The following NRXN1 variants were observed in gnomAD, a reference collection of about 807,000 sequenced individuals.
NRXN1 encodes neurexin-1.
NRXN1 carries 39 observed loss-of-function variants against 150.9 expected under a neutral mutation model. The ratio of observed to expected loss-of-function variants is 0.26; its 90% CI spans 0.20 to 0.34. The LOEUF (loss-of-function observed/expected upper bound fraction) is 0.34. Among genes scored for constraint, NRXN1 ranks in the 10% least tolerant of loss-of-function variants. The pLI, the probability that NRXN1 is intolerant of heterozygous loss-of-function variation, is 1.00. For missense variants in NRXN1, 1,815 were observed against 1,949.9 expected (o/e 0.93, Z 1.30); for synonymous variants, 924 against 757.0 (o/e 1.22, Z -3.62).
chr2:50,166,054 G>A, intron 18 of NRXN1, among the ~76,000 whole-genome samples: 1 of 152,076 alleles, frequency 6.6e-6, no homozygotes, highest in East Asian at 1.9e-4. Flanking sequence ...TACAGGCTGA[G>A]CAAGCCAAAT....
rs549634196 is a variant in NRXN1, at chr2:50,800,832, G to A, written c.832+121037C>T. 4.6e-5 allele frequency among the ~76,000 whole-genome samples: 7 copies of A among 152,288 alleles called. 1 individual carries two copies. The highest frequency in any genetic ancestry group is 1.9e-4 in the East Asian group (1 of 5,186). On this transcript the variant is annotated intron_variant, in intron 5 of 22. Coordinates refer to ENST00000401669, the MANE Select transcript of NRXN1 (RefSeq NM_001330078.2). ...CACAAAGTGCTGGGATTACAGGCGT[G>A]AGCCAGCATGCCTGGCCAATAATGG...
chr2:50,536,678 G>C (rs1174123899), intron 10 of NRXN1, among the ~76,000 whole-genome samples: 4 of 152,066 alleles, frequency 2.6e-5, no homozygotes, highest in Admixed American at 2.6e-4. Flanking sequence ...ACCTTAAATC[G>C]TGCAAGTCCG....
chr2:49,934,308 G>A (rs760905329), intron 22 of NRXN1, among the ~76,000 whole-genome samples: 24 of 151,830 alleles, frequency 1.6e-4, no homozygotes, highest in African/African-American at 5.6e-4. Context: ...AGTGTACTCC[G>A]GATGAAATCC....
chr2:50,345,782 T>C (rs2077908269), intron 17 of NRXN1, among the ~76,000 whole-genome samples: 1 of 152,200 alleles, frequency 6.6e-6, no homozygotes, highest in African/African-American at 2.4e-5. Flanking sequence ...CCCTTAGCTC[T>C]AACTTCTTCT....
chr2:50,998,784 CCCA>C (rs1558560802), intron 2 of NRXN1, among the ~76,000 whole-genome samples: 1 of 152,014 alleles, frequency 6.6e-6, no homozygotes, highest in African/African-American at 2.4e-5. Flanking sequence ...AACACATACA[CCCA>C]CCACAATAAT....
chr2:50,451,333 G>A (rs10190857), intron 17 of NRXN1, among the ~76,000 whole-genome samples: 40,841 of 152,018 alleles, frequency 0.27, 5,849 homozygotes, highest in East Asian at 0.5. Context: ...AAGTATAAAT[G>A]TTTTCCTGGT....
intron 17 of NRXN1, among the ~76,000 whole-genome samples, chr2:50,434,152 C>T (rs190980721): frequency 0.011 from 1,717 of 149,714 alleles, 30 homozygotes; most frequent in African/African-American, 0.041. Flanking sequence ...CTCCGCCTCC[C>T]GGGTTCGCGC....
intron 15 of NRXN1, among the ~76,000 whole-genome samples, chr2:50,479,639 T>C (rs1263092412): frequency 2.0e-5 from 3 of 151,576 alleles, no homozygotes; most frequent in East Asian, 1.9e-4. Flanking sequence ...TAAATAATCA[T>C]TGAAACAATA....
chr2:50,073,224 C>T (rs1412367143), intron 19 of NRXN1, among the ~76,000 whole-genome samples: 2 of 152,168 alleles, frequency 1.3e-5, no homozygotes, highest in East Asian at 1.9e-4. Context: ...CTATTCCCTG[C>T]ACTTTAGCCA....
chr2:50,582,248 TGCAGGGCACAAGGGCTCAC>T (rs1553836097), intron 8 of NRXN1, among the ~76,000 whole-genome samples: 2 of 151,984 alleles, frequency 1.3e-5, no homozygotes, highest in Non-Finnish European at 2.9e-5. Flanking sequence ...AAAATTACTT[TGCAGGGCACAAGGGCTCAC>T]GCTTATAATC....
At chr2:50,552,443 C>T (rs1667670070) in intron 9 of NRXN1, 144 bp downstream of exon 9, 1 of 642,920 alleles carries the variant, frequency 1.6e-6, no homozygotes, top group South Asian at 2.0e-5. Context: ...TGGTGTGAAA[C>T]AGAAGCAATA....
intron 17 of NRXN1, among the ~76,000 whole-genome samples, chr2:50,278,273 T>A (rs1574894378): frequency 2.3e-5 from 2 of 88,668 alleles, no homozygotes; most frequent in Non-Finnish European, 4.3e-5. Context: ...ATTATATATG[T>A]ATTATATATA....
chr2:50,994,965 A>G (rs557289652), intron 2 of NRXN1, among the ~76,000 whole-genome samples: 7 of 152,046 alleles, frequency 4.6e-5, no homozygotes, highest in Non-Finnish European at 8.8e-5. Flanking sequence ...AAATACTAAA[A>G]TCACTGACGC....
intron 21 of NRXN1, among the ~76,000 whole-genome samples, chr2:49,961,307 C>G (rs1293246865): frequency 6.7e-6 from 1 of 148,832 alleles, no homozygotes; most frequent in African/African-American, 2.5e-5. Context: ...TTCCAAAATG[C>G]CTGCGCACGC....
At chr2:50,212,417 G>A (rs1405497237) in intron 18 of NRXN1, among the ~76,000 whole-genome samples, 1 of 149,648 alleles carries the variant, frequency 6.7e-6, no homozygotes, top group African/African-American at 2.5e-5. Context: ...TTAAAGGCCT[G>A]TGTGTGACCC....
At chr2:50,749,379 T>C (rs1700341579) in intron 5 of NRXN1, among the ~76,000 whole-genome samples, 1 of 152,046 alleles carries the variant, frequency 6.6e-6, no homozygotes. Context: ...CCCATTCTTT[T>C]TTCCCACAGA....
chr2:50,155,354 T>C (rs1308802661), intron 18 of NRXN1, among the ~76,000 whole-genome samples: 1 of 151,448 alleles, frequency 6.6e-6, no homozygotes, highest in Non-Finnish European at 1.5e-5. Context: ...TTTATTATTT[T>C]GCTTGGGGCC....
chr2:50,784,916 A>C (rs975573703), intron 5 of NRXN1, among the ~76,000 whole-genome samples: 1 of 152,076 alleles, frequency 6.6e-6, no homozygotes, highest in African/African-American at 2.4e-5. Flanking sequence ...TATAGATACG[A>C]ATTGGAATAA....
chr2:50,228,997 G>A (rs1444701592), intron 18 of NRXN1, among the ~76,000 whole-genome samples: 1 of 151,968 alleles, frequency 6.6e-6, no homozygotes, highest in Non-Finnish European at 1.5e-5. Context: ...AACTCCTAGA[G>A]ACATCACAAA....
Sources: allele counts gnomAD v4.1 joint callset (sites outside exome capture counted in the v4.1 genomes callset), GRCh38; gene constraint gnomAD v4.1.1; transcripts MANE v1.5; gene names NCBI Gene and HGNC (gene_info 2026-07-23, HGNC 2026-07-21).